The following CFAP70 variants were observed in gnomAD, a reference collection of about 807,000 sequenced individuals.
CFAP70 encodes the protein cilia and flagella associated protein 70.
A neutral mutation model predicts 137.6 loss-of-function variants in CFAP70; 81 were observed. The ratio of observed to expected loss-of-function variants is 0.59; its 90% CI spans 0.49 to 0.71. CFAP70 has a LOEUF of 0.71. Ranked by LOEUF, CFAP70 falls within the 30% of genes least tolerant of loss-of-function variation. The probability of loss-of-function intolerance (pLI) is 0.00; values close to 1 mark genes in which losing one functional copy is unlikely to be tolerated. For missense variants in CFAP70, 976 were observed against 1,226.7 expected (o/e 0.80, Z 3.05); for synonymous variants, 382 against 423.6 (o/e 0.90, Z 1.20).
chr10:73,291,573 G>C (rs1189718301), intron 18 of CFAP70, 67 bp downstream of exon 19: 6 of 1,512,048 alleles, frequency 4.0e-6, no homozygotes, highest in Non-Finnish European at 4.5e-6. Context: ...CATTGAAGAA[G>C]AGAAAGGAAA....
At chr10:73,264,452 CT>C (rs769867148) in intron 25 of CFAP70, among the ~76,000 whole-genome samples, 1 of 152,190 alleles carries the variant, frequency 6.6e-6, no homozygotes, top group Non-Finnish European at 1.5e-5. Flanking sequence ...ACAATGAGCT[CT>C]TATCAGTATC....
At chr10:73,264,371 T>C (rs1363305710) in intron 25 of CFAP70, among the ~76,000 whole-genome samples, 2 of 152,238 alleles carry the variant, frequency 1.3e-5, no homozygotes, top group Non-Finnish European at 2.9e-5. Flanking sequence ...TAGACACATA[T>C]GAATATATTT....
At chr10:73,272,387 G>C (rs1210567727) in intron 24 of CFAP70, among the ~76,000 whole-genome samples, 1 of 152,136 alleles carries the variant, frequency 6.6e-6, no homozygotes, top group Non-Finnish European at 1.5e-5. Context: ...GCTATTCAAA[G>C]AAAGGGAGAG....
At chr10:73,318,290 A>C (rs1589460858) in intron 9 of CFAP70, among the ~76,000 whole-genome samples, 1 of 152,130 alleles carries the variant, frequency 6.6e-6, no homozygotes, top group East Asian at 1.9e-4. Context: ...TGGGGAGATG[A>C]TTTGTCAACC....
At chr10:73,272,874 G>A (rs1238895283) in intron 24 of CFAP70, 54 bp downstream of exon 25, 2 of 1,468,238 alleles carry the variant, frequency 1.4e-6, no homozygotes, top group South Asian at 1.2e-5. Flanking sequence ...GGAAGGCCAA[G>A]GAATCAAGGT....
At chr10:73,358,252 T>C in intron 1 of CFAP70, among the ~76,000 whole-genome samples, 1 of 152,232 alleles carries the variant, frequency 6.6e-6, no homozygotes, top group Admixed American at 6.5e-5. Context: ...CAACAGGCGT[T>C]CGCGTCGTGT....
At chr10:73,270,631 G>A (rs937547795) in intron 24 of CFAP70, among the ~76,000 whole-genome samples, 4 of 144,196 alleles carry the variant, frequency 2.8e-5, no homozygotes, top group Non-Finnish European at 1.5e-5. Flanking sequence ...CGCCTCCCAG[G>A]TTTAATCGAT....
Position 73,264,675 on chromosome 10 carries a change from T to C in CFAP70, c.3027+4939A>G, listed in dbSNP as rs140586431. Among the ~76,000 whole-genome samples the C allele has an allele frequency of 5.2e-4, 79 of 152,326 alleles. 1 individual carries two copies. The highest frequency in any genetic ancestry group is 1.8e-3 in the African/African-American group (76 of 41,576). On this transcript the variant is annotated intron_variant, in intron 25 of 26. Transcript: ENST00000310715. ...TACTCTAAAATGTGTATAAAGGTTT[T>C]TTCTCTTTAGCCTGATATATAGTAT... is the stretch of plus-strand genomic sequence containing the variant.
At chr10:73,317,842 T>C (rs961769949) in intron 9 of CFAP70, among the ~76,000 whole-genome samples, 1 of 152,112 alleles carries the variant, frequency 6.6e-6, no homozygotes, top group African/African-American at 2.4e-5. Flanking sequence ...GTGTTGTAGG[T>C]AGGGCCTGGT....
At position 73,275,404 on chromosome 10, in the gene CFAP70, G is replaced by T. The variant is rs770855879; in HGVS notation, c.2673+42C>A. The T allele has an allele frequency of 2.0e-6, 3 of 1,534,586 alleles. No individual in the cohort carries two copies. The highest frequency in any genetic ancestry group is 2.8e-5 in the African/African-American group (2 of 71,646). On this transcript the variant is annotated intron_variant, in intron 22 of 26. Coordinates refer to ENST00000310715, the Ensembl canonical transcript of CFAP70. This position sits in a 1 kb window ranked among gnomAD's most constrained non-coding sequence, Gnocchi z 4.0. Reference sequence around the variant, plus strand: ...TATGGCATCACCACCTTTAAATAAAGCCCCTTCTCCAGACTCAAGAGGCTT... The same window carrying T: ...TATGGCATCACCACCTTTAAATAAATCCCCTTCTCCAGACTCAAGAGGCTT...
intron 19 of CFAP70, among the ~76,000 whole-genome samples, chr10:73,286,767 A>G (rs975837834): frequency 6.6e-6 from 1 of 152,220 alleles, no homozygotes; most frequent in Non-Finnish European, 1.5e-5. Context: ...AGCCATAAAC[A>G]GAGTATTACC....
At chr10:73,274,582 A>C (rs1300811623) in exon 23 of CFAP70, 1 of 1,613,474 alleles carries the variant, frequency 6.2e-7, no homozygotes, top group Non-Finnish European at 8.5e-7. Context: ...TTCAGGCCCC[A>C]GACATTGGGG....
At chr10:73,256,319 T>C (rs2044485493) in intron 26 of CFAP70, 50 bp downstream of exon 27, 1 of 1,606,286 alleles carries the variant, frequency 6.2e-7, no homozygotes, top group Admixed American at 1.7e-5. Context: ...CCTCCTAATT[T>C]CCCACCCTTA....
At position 73,298,954 on chromosome 10, in the gene CFAP70, C is replaced by G. The variant is rs558244871; in HGVS notation, c.1465G>C (p.Glu489Gln). Reference sequence around the variant, plus strand: ...AAGTATTTTCCAGAGCAATTAAGTTCATAGCTGAGCTGGCACTTCTGCTCC... The same window carrying G: ...AAGTATTTTCCAGAGCAATTAAGTTGATAGCTGAGCTGGCACTTCTGCTCC... The change falls in exon 14 of 27, where the codon GAA (glutamate) becomes CAA (glutamine). Residue 489 changes from glutamate to glutamine, a missense_variant. By Grantham distance (29) the Glu-to-Gln change is conservative. Transcript: ENST00000310715. 5.6e-6 allele frequency: 9 copies of G among 1,613,896 alleles called. No homozygotes were observed. The Admixed American group carries it at 1.5e-4, about 27-fold the overall frequency.
At chr10:73,278,310 T>C (rs2046949765) in exon 20 of CFAP70, 1 of 1,613,852 alleles carries the variant, frequency 6.2e-7, no homozygotes. Context: ...AAGAAATTTG[T>C]CTAGAATAGA....
chr10:73,262,523 C>T (rs924354422), intron 25 of CFAP70, among the ~76,000 whole-genome samples: 9 of 151,936 alleles, frequency 5.9e-5, no homozygotes, highest in African/African-American at 1.9e-4. Flanking sequence ...AAGCTCTTGA[C>T]TTAATCAGGA....
chr10:73,317,434 A>G (rs1208172034), intron 9 of CFAP70, among the ~76,000 whole-genome samples: 2 of 152,110 alleles, frequency 1.3e-5, no homozygotes, highest in Non-Finnish European at 2.9e-5. Flanking sequence ...TCAGTGGTTA[A>G]CCATATTGAT....
chr10:73,311,240 A>C (rs1485208263), intron 11 of CFAP70, among the ~76,000 whole-genome samples: 2 of 151,660 alleles, frequency 1.3e-5, no homozygotes, highest in Non-Finnish European at 2.9e-5. Flanking sequence ...GAGACAGCCT[A>C]AATTCTGCTC....
At chr10:73,290,044 CAA>C (rs397847750) in intron 19 of CFAP70, among the ~76,000 whole-genome samples, 31 of 72,142 alleles carry the variant, frequency 4.3e-4, no homozygotes, top group African/African-American at 5.3e-4. Context: ...GACTCCATCT[CAA>C]AAAAAAAAAA....
Sources: allele counts gnomAD v4.1 joint callset (sites outside exome capture counted in the v4.1 genomes callset), GRCh38; gene constraint gnomAD v4.1.1; non-coding constraint Gnocchi (gnomAD v3.1); transcripts MANE v1.5; gene names NCBI Gene and HGNC (gene_info 2026-07-23, HGNC 2026-07-21).